ADAMTSL1: variants seen among roughly 807,000 people sequenced by gnomAD.
The protein encoded by ADAMTSL1 is ADAMTS-like protein 1.
Under a neutral mutation model 201.8 loss-of-function variants are expected in ADAMTSL1, and 126 were observed. The ratio of observed to expected loss-of-function variants is 0.62; its 90% CI spans 0.54 to 0.72. ADAMTSL1 has a LOEUF of 0.72. ADAMTSL1 is among the 30% of genes least tolerant of loss of function. ADAMTSL1 has a pLI of 0.00. For synonymous variants in ADAMTSL1, 1,121 were observed against 903.4 expected (o/e 1.24, Z -4.32); for missense variants, 2,679 against 2,277.8 (o/e 1.18, Z -3.59).
intron 1 of ADAMTSL1, among the ~76,000 whole-genome samples, chr9:18,010,752 C>A (rs1054788862): frequency 2.0e-5 from 3 of 151,960 alleles, no homozygotes; most frequent in African/African-American, 7.2e-5. Context: ...AATTCTAGAC[C>A]TAAGGGTATT....
chr9:18,268,142 T>A (rs983387031), intron 2 of ADAMTSL1, among the ~76,000 whole-genome samples: 1 of 152,196 alleles, frequency 6.6e-6, no homozygotes, highest in African/African-American at 2.4e-5. Context: ...TATTATGCTA[T>A]ATGTTTAGAA....
chr9:18,689,721 T>G (rs55835142), intron 13 of ADAMTSL1, among the ~76,000 whole-genome samples: 12,945 of 152,184 alleles, frequency 0.085, 656 homozygotes, highest in East Asian at 0.25. Flanking sequence ...GCCAGTTGCT[T>G]TGGACACAGT....
At chr9:18,729,036 G>T (rs1029090244) in intron 15 of ADAMTSL1, among the ~76,000 whole-genome samples, 1 of 152,226 alleles carries the variant, frequency 6.6e-6, no homozygotes, top group Non-Finnish European at 1.5e-5. Context: ...AGTGTGCTCT[G>T]TGTGATCTGG....
chr9:18,181,348 C>T (rs1168757460), intron 2 of ADAMTSL1, among the ~76,000 whole-genome samples: 2 of 152,062 alleles, frequency 1.3e-5, no homozygotes, highest in Non-Finnish European at 2.9e-5. Flanking sequence ...AGTGAACAGG[C>T]AATCTACAAA....
At chr9:17,945,099 G>T (rs1827402986) in intron 1 of ADAMTSL1, among the ~76,000 whole-genome samples, 1 of 90,872 alleles carries the variant, frequency 1.1e-5, no homozygotes, top group African/African-American at 4.3e-5. Context: ...AATCTACAAT[G>T]AACTCAAACA....
chr9:18,542,153 C>A (rs372987268), intron 3 of ADAMTSL1, among the ~76,000 whole-genome samples: 1 of 152,040 alleles, frequency 6.6e-6, no homozygotes, highest in African/African-American at 2.4e-5. Flanking sequence ...ATAATGAACA[C>A]ATATTCCTGT....
At chr9:18,694,588 G>T (rs1831436751) in intron 13 of ADAMTSL1, among the ~76,000 whole-genome samples, 1 of 152,148 alleles carries the variant, frequency 6.6e-6, no homozygotes, top group African/African-American at 2.4e-5. Context: ...GCTCCAAAAT[G>T]ATCTCCTTTG....
intron 2 of ADAMTSL1, among the ~76,000 whole-genome samples, chr9:18,383,252 T>A (rs1413045431): frequency 6.6e-6 from 1 of 152,190 alleles, no homozygotes; most frequent in Non-Finnish European, 1.5e-5. Context: ...GCTATTGTCT[T>A]TCCCTGACTC....
At chr9:18,744,744 C>G (rs554239052) in intron 15 of ADAMTSL1, among the ~76,000 whole-genome samples, 1 of 152,344 alleles carries the variant, frequency 6.6e-6, no homozygotes, top group Admixed American at 6.5e-5. Flanking sequence ...GAGCACAATT[C>G]ATTCGCAAAC....
chr9:18,060,624 A>G (rs192353908), intron 1 of ADAMTSL1, among the ~76,000 whole-genome samples: 76 of 152,306 alleles, frequency 5.0e-4, no homozygotes, highest in Admixed American at 2.2e-3. Flanking sequence ...AACAAAAACC[A>G]TAAAACAATA....
intron 1 of ADAMTSL1, among the ~76,000 whole-genome samples, chr9:18,034,006 G>C (rs914480447): frequency 2.6e-5 from 4 of 152,098 alleles, no homozygotes; most frequent in Non-Finnish European, 5.9e-5. Flanking sequence ...GAGTAAGAGG[G>C]TAGAAATCAA....
chr9:18,663,005 T>A (rs1829198738), intron 9 of ADAMTSL1, among the ~76,000 whole-genome samples: 1 of 152,200 alleles, frequency 6.6e-6, no homozygotes, highest in Non-Finnish European at 1.5e-5. Context: ...TGTTATTTTT[T>A]AAAATCATAC....
At chr9:18,832,367 T>C (rs1484092953) in intron 23 of ADAMTSL1, among the ~76,000 whole-genome samples, 1 of 151,974 alleles carries the variant, frequency 6.6e-6, no homozygotes, top group Non-Finnish European at 1.5e-5. Flanking sequence ...TTGTGTAGGG[T>C]TGCTGAGAAA....
chr9:17,929,527 C>T (rs1218044530), intron 1 of ADAMTSL1, among the ~76,000 whole-genome samples: 2 of 152,064 alleles, frequency 1.3e-5, no homozygotes, highest in Non-Finnish European at 2.9e-5. Flanking sequence ...CCTCACTCCT[C>T]TTCCTCCCTT....
At chr9:18,580,495 T>C (rs1341630340) in intron 4 of ADAMTSL1, among the ~76,000 whole-genome samples, 1 of 152,178 alleles carries the variant, frequency 6.6e-6, no homozygotes, top group Admixed American at 6.5e-5. Flanking sequence ...GGAAGCATGG[T>C]TTTTCTTAAA....
intron 2 of ADAMTSL1, among the ~76,000 whole-genome samples, chr9:18,412,608 A>C (rs1407587955): frequency 6.6e-6 from 1 of 152,186 alleles, no homozygotes; most frequent in East Asian, 1.9e-4. Context: ...GTGATGATCT[A>C]TGAGGTGGTT....
chr9:18,721,980 T>C (rs1406336023), intron 15 of ADAMTSL1, among the ~76,000 whole-genome samples: 11 of 152,194 alleles, frequency 7.2e-5, no homozygotes, highest in Non-Finnish European at 4.4e-5. Flanking sequence ...CTTCATGGGC[T>C]CTGCCACCTT....
chr9:18,078,380 T>C (rs1342490263), intron 1 of ADAMTSL1, among the ~76,000 whole-genome samples: 1 of 152,152 alleles, frequency 6.6e-6, no homozygotes, highest in Non-Finnish European at 1.5e-5. Flanking sequence ...GAAATACAAA[T>C]GTTGAGTTTC....
chr9:18,730,397 G>T (rs1588002138), intron 15 of ADAMTSL1, among the ~76,000 whole-genome samples: 1 of 152,358 alleles, frequency 6.6e-6, no homozygotes, highest in Non-Finnish European at 1.5e-5. Flanking sequence ...GGCCGATACA[G>T]TTCAGGAACA....
Sources: gnomAD v4.1 joint callset for allele counts (sites outside exome capture counted in the v4.1 genomes callset) on GRCh38, gnomAD v4.1.1 for gene constraint, MANE v1.5 for transcripts, NCBI Gene and HGNC (gene_info 2026-07-23, HGNC 2026-07-21) for gene names.